The following CMSS1 variants were observed in gnomAD, a reference collection of about 807,000 sequenced individuals.
CMSS1 encodes the protein cms1 ribosomal small subunit homolog.
CMSS1 carries 33 observed loss-of-function variants against 43.5 expected under a neutral mutation model. That is an observed-to-expected ratio of 0.76 (90% confidence interval 0.57 to 1.01). The LOEUF is 1.01. Ranked by LOEUF, CMSS1 falls within the 50% of genes least tolerant of loss-of-function variation. The pLI is 0.00. For synonymous variants in CMSS1, 115 were observed against 117.2 expected (o/e 0.98, Z 0.12); for missense variants, 313 against 326.4 (o/e 0.96, Z 0.32).
chr3:99,947,134 T>C (rs556690170), intron 1 of CMSS1, among the ~76,000 whole-genome samples: 89 of 55,180 alleles, frequency 1.6e-3, no homozygotes, highest in African/African-American at 9.5e-3. Context: ...CAAGACTCTG[T>C]CTCAAAAAAA....
At chr3:99,972,461 T>C (rs1206308304) in intron 1 of CMSS1, among the ~76,000 whole-genome samples, 1 of 152,230 alleles carries the variant, frequency 6.6e-6, no homozygotes, top group African/African-American at 2.4e-5. Context: ...TAAGTGCTGG[T>C]AATCCATTTT....
At chr3:100,071,080 G>C (rs1438502354) in intron 1 of CMSS1, among the ~76,000 whole-genome samples, 2 of 127,250 alleles carry the variant, frequency 1.6e-5, no homozygotes, top group Admixed American at 8.2e-5. Flanking sequence ...TTTAAGAGAA[G>C]CTACTCTCTC....
chr3:100,075,996 A>G (rs1441853250), intron 1 of CMSS1, among the ~76,000 whole-genome samples: 4 of 152,298 alleles, frequency 2.6e-5, no homozygotes, highest in African/African-American at 4.8e-5. Context: ...ACACAAAACT[A>G]TGTAATTTCT....
intron 1 of CMSS1, among the ~76,000 whole-genome samples, chr3:100,106,759 G>T (rs1338884898): frequency 6.6e-6 from 1 of 152,132 alleles, no homozygotes; most frequent in African/African-American, 2.4e-5. Flanking sequence ...CACTCAAATT[G>T]TGTCTAACTG....
rs201606586 is a variant in CMSS1, at chr3:99,850,755, G to T, written c.64+32712G>T. ...CATTGGTGAGCTTCGCCATAATTGT[G>T]TCTTGGTCTTGGTGAAACTTTGTGG... On this transcript the variant is annotated intron_variant, in intron 1 of 9. Transcript: ENST00000421999. The T allele has an allele frequency of 1.2e-4, 187 of 1,614,052 alleles. 1 individual carries two copies. In the Middle Eastern group the frequency reaches 4.1e-3, roughly 35 times the overall value.
intron 8 of CMSS1, among the ~76,000 whole-genome samples, chr3:100,174,212 T>C (rs1248783955): frequency 6.6e-6 from 1 of 152,152 alleles, no homozygotes; most frequent in African/African-American, 2.4e-5. Flanking sequence ...AGGCCTTCTA[T>C]GAGACACAGA....
At chr3:99,852,458 A>AT (rs5851190) in intron 1 of CMSS1, among the ~76,000 whole-genome samples, 14,560 of 151,884 alleles carry the variant, frequency 0.096, 829 homozygotes, top group African/African-American at 0.16. Flanking sequence ...ATTTTATTTT[A>AT]TTTTTTGAAA....
intron 1 of CMSS1, chr3:99,924,078 A>G: frequency 1.4e-6 from 1 of 702,440 alleles, no homozygotes; most frequent in East Asian, 2.5e-5. Context: ...TGTACTGATA[A>G]TGTCTTCAAA....
At chr3:100,050,906 A>G (rs2065360170) in intron 1 of CMSS1, among the ~76,000 whole-genome samples, 1 of 152,170 alleles carries the variant, frequency 6.6e-6, no homozygotes, top group African/African-American at 2.4e-5. Context: ...GGAGCATGGA[A>G]GTGGCTCCTT....
chr3:100,127,337 C>G (rs772195222), intron 1 of CMSS1, among the ~76,000 whole-genome samples: 56 of 152,310 alleles, frequency 3.7e-4, no homozygotes, highest in Admixed American at 2.7e-3. Context: ...GGCCCAGGCT[C>G]TTCTGAGAGC....
At chr3:99,872,325 C>CTGTGTGTGTGTGTGTGTG (rs1186426545) in intron 1 of CMSS1, among the ~76,000 whole-genome samples, 6 of 65,436 alleles carry the variant, frequency 9.2e-5, no homozygotes, top group East Asian at 5.2e-4. Flanking sequence ...GTGTGTGTGA[C>CTGTGTGTGTGTGTGTGTG]TGTGGGGCCT....
chr3:99,876,130 C>T, intron 1 of CMSS1: 1 of 986,310 alleles, frequency 1.0e-6, no homozygotes, highest in South Asian at 4.6e-5. Context: ...TAGTGCCGCG[C>T]TGCGAGCCGA....
chr3:99,947,303 T>C (rs572956212), intron 1 of CMSS1, among the ~76,000 whole-genome samples: 24 of 152,356 alleles, frequency 1.6e-4, no homozygotes, highest in Non-Finnish European at 2.8e-4. Context: ...TCTGTTATAC[T>C]ATACATATTG....
chr3:99,841,995 GA>G (rs1456847819), intron 1 of CMSS1, among the ~76,000 whole-genome samples: 2 of 152,144 alleles, frequency 1.3e-5, no homozygotes, highest in African/African-American at 4.8e-5. Context: ...CTGCCCAGAG[GA>G]AAAGAAGTCA....
chr3:100,021,160 T>G (rs950266943), intron 1 of CMSS1, among the ~76,000 whole-genome samples: 4 of 152,234 alleles, frequency 2.6e-5, no homozygotes, highest in African/African-American at 9.6e-5. Flanking sequence ...CCCAGCTTAC[T>G]GCTCTCACAT....
At chr3:99,998,409 C>G (rs1477559805) in intron 1 of CMSS1, among the ~76,000 whole-genome samples, 1 of 152,134 alleles carries the variant, frequency 6.6e-6, no homozygotes, top group Non-Finnish European at 1.5e-5. Context: ...CCAACACATT[C>G]TTTGAGTGGG....
intron 1 of CMSS1, among the ~76,000 whole-genome samples, chr3:99,861,004 A>G (rs1944223084): frequency 6.6e-6 from 1 of 152,122 alleles, no homozygotes; most frequent in African/African-American, 2.4e-5. Context: ...TAAAAAGTTA[A>G]TTACTGTGAA....
intron 1 of CMSS1, among the ~76,000 whole-genome samples, chr3:100,038,444 A>C (rs777520690): frequency 6.6e-6 from 1 of 152,198 alleles, no homozygotes; most frequent in Non-Finnish European, 1.5e-5. Context: ...TTTTGCTTAT[A>C]GAGAATTCGA....
At chr3:99,904,706 G>A (rs533747981) in intron 1 of CMSS1, among the ~76,000 whole-genome samples, 4 of 151,856 alleles carry the variant, frequency 2.6e-5, no homozygotes, top group Admixed American at 2.0e-4. Context: ...TATCACTGTA[G>A]CAACTACCTC....
Sources: gnomAD v4.1 joint callset for allele counts (sites outside exome capture counted in the v4.1 genomes callset) on GRCh38, gnomAD v4.1.1 for gene constraint, MANE v1.5 for transcripts, NCBI Gene and HGNC (gene_info 2026-07-23, HGNC 2026-07-21) for gene names.